Variants in ASB4 observed in about 807,000 individuals in gnomAD.
ASB4 encodes ankyrin repeat and SOCS box protein 4.
A neutral mutation model predicts 38.6 loss-of-function variants in ASB4; 35 were observed. That is an observed-to-expected ratio of 0.91 (90% CI 0.69 to 1.20). The LOEUF is 1.20. ASB4 is among the 50% of genes most tolerant of loss of function. The probability of loss-of-function intolerance (pLI) is 0.00; values close to 1 mark genes in which losing one functional copy is unlikely to be tolerated. For missense variants in ASB4, 557 were observed against 527.2 expected, an observed-to-expected ratio of 1.06 and a Z score of -0.55; for synonymous variants, 195 against 201.3, an observed-to-expected ratio of 0.97 and a Z score of 0.26.
In ASB4 at chr7:95,486,072, A is replaced by G; in HGVS notation, c.101A>G (p.Lys34Arg). Residue 34 changes from lysine (K) to arginine (R), a missense_variant, in exon 1 of 5, where the codon AAG (lysine) becomes AGG (arginine). Coordinates refer to ENST00000325885, the MANE Select transcript of ASB4 (RefSeq NM_016116.3). ...AAGTCCAATGACTTCGGAAAATTGA[A>G]GGCTATTTTGATCCAAAGGCAAATA... Reference protein sequence around the residue: ...ALKSNDFGKLKAILIQRQIDV... With the variant: ...ALKSNDFGKLRAILIQRQIDV... 6.2e-7 allele frequency: 1 copy of G among 1,614,170 alleles called. No homozygotes were observed. The highest frequency in any genetic ancestry group is 1.3e-5 in the African/African-American group (1 of 75,052).
At chr7:95,496,859 CAAAG>C (rs1423660460) in intron 2 of ASB4, among the ~76,000 whole-genome samples, 1 of 151,696 alleles carries the variant, frequency 6.6e-6, no homozygotes, top group Non-Finnish European at 1.5e-5. Context: ...AAACAAAAAA[CAAAG>C]AACAAAAACA....
intron 1 of ASB4, among the ~76,000 whole-genome samples, chr7:95,489,898 G>C (rs1476516): frequency 0.69 from 105,133 of 152,110 alleles, 37,133 homozygotes; most frequent in East Asian, 0.94. Context: ...ATACTGGAAA[G>C]ACGAAGGACT....
chr7:95,526,174 AGTCT>A (rs1376752901), intron 2 of ASB4, among the ~76,000 whole-genome samples: 3 of 152,210 alleles, frequency 2.0e-5, no homozygotes, highest in South Asian at 2.1e-4. Context: ...TTTCGAAGCC[AGTCT>A]GTCTGTTTTC....
At position 95,538,238 on chromosome 7, in the gene ASB4, C is replaced by G. The variant is rs890157822; in HGVS notation, c.*479C>G. On this transcript the variant is annotated 3_prime_UTR_variant, in exon 5 of 5. Transcript: ENST00000325885. ...ATTACTGTCACTAGTTTTGCAAACT[C>G]CTACTCCCCAAACCAAGCTACTCAA... The G allele has an allele frequency of 6.5e-6, 1 of 152,946 alleles. No individual in the cohort carries two copies. Among genetic ancestry groups the G allele is most frequent in the Non-Finnish European group, 1.5e-5 (1 of 68,510 alleles). 9.5% of individuals were successfully genotyped at this position (152,946 alleles called of 1,614,324 possible).
chr7:95,528,830 A>G, intron 3 of ASB4: 2 of 423,084 alleles, frequency 4.7e-6, no homozygotes, highest in Non-Finnish European at 6.3e-6. Context: ...AATTCTTACA[A>G]CAATCATACG....
upstream of ASB4, among the ~76,000 whole-genome samples, chr7:95,474,735 G>A (rs1789959805): frequency 6.6e-6 from 1 of 152,018 alleles, no homozygotes; most frequent in Non-Finnish European, 1.5e-5. Context: ...ATGTTGTCTA[G>A]GCTGGTCATG....
the ASB4 span, among the ~76,000 whole-genome samples, chr7:95,546,463 A>G: frequency 2.6e-5 from 4 of 152,110 alleles, no homozygotes; most frequent in Non-Finnish European, 5.9e-5. Flanking sequence ...CTCATTGAAC[A>G]TATGCTGTGT....
chr7:95,543,332 T>C (rs545151480), downstream of ASB4: 2 of 152,146 alleles, frequency 1.3e-5, no homozygotes, highest in Non-Finnish European at 2.9e-5. Context: ...CGGCAGAAGA[T>C]TGGGGCCCTT....
chr7:95,537,723 G>A lies in ASB4; in HGVS notation c.1245G>A (p.Lys415=). 1 of 1,613,804 alleles carries A rather than the reference G, an allele frequency of 6.2e-7. No homozygotes were observed. Among genetic ancestry groups the A allele is most frequent in the Non-Finnish European group, 8.5e-7 (1 of 1,179,828 alleles). The part of the protein sequence containing the change: ...PLLSLPLSLK[K]YLLLEPEGII... ...TTTCCCTCCCATTGTCATTGAAAAA[G>A]TACTTGCTTTTAGAGCCAGAGGGAA... Residue 415 remains lysine (K), a synonymous_variant, in exon 5 of 5, where the codon AAG becomes AAA. Transcript: ENST00000325885.
intron 2 of ASB4, among the ~76,000 whole-genome samples, chr7:95,524,559 G>C (rs964085114): frequency 6.6e-6 from 1 of 151,970 alleles, no homozygotes; most frequent in South Asian, 2.1e-4. Context: ...GTTATGGGTC[G>C]AATTGTGCGC....
intron 2 of ASB4, among the ~76,000 whole-genome samples, chr7:95,527,585 C>G (rs1015054693): frequency 2.0e-5 from 3 of 152,134 alleles, no homozygotes; most frequent in Non-Finnish European, 4.4e-5. Context: ...TCCTTCTCCT[C>G]CCCTGGGTAC....
chr7:95,474,341 C>A (rs1789954771), upstream of ASB4, among the ~76,000 whole-genome samples: 1 of 152,082 alleles, frequency 6.6e-6, no homozygotes, highest in Non-Finnish European at 1.5e-5. Flanking sequence ...TTGATAATAA[C>A]TTGTGTGCTT....
At chr7:95,475,275 T>G (rs1789966801), upstream of ASB4, among the ~76,000 whole-genome samples, 1 of 152,216 alleles carries the variant, frequency 6.6e-6, no homozygotes, top group South Asian at 2.1e-4. Context: ...ATGACCATCT[T>G]TCCTTACATA....
At chr7:95,535,166 T>C (rs919279285) in intron 3 of ASB4, among the ~76,000 whole-genome samples, 40 of 152,206 alleles carry the variant, frequency 2.6e-4, no homozygotes, top group African/African-American at 9.4e-4. Context: ...ATTAGGTCTT[T>C]ACCACCCTAC....
rs759917140 is a variant in ASB4, at chr7:95,521,018, GA to G, written c.488-6790del. On this transcript the variant is annotated intron_variant, in intron 2 of 4. Transcript: ENST00000325885. ...CTCTTTACTCTGCAAATTTTGTGGG[GA>G]AAAATGTTTGAATTGCATTGAATTT... 1.4e-4 allele frequency among the ~76,000 whole-genome samples: 21 copies of G among 152,024 alleles called. 1 individual carries two copies. The highest frequency in any genetic ancestry group is 9.8e-4 in the Admixed American group (15 of 15,266).
chr7:95,523,781 T>G (rs1790696504), intron 2 of ASB4, among the ~76,000 whole-genome samples: 1 of 152,176 alleles, frequency 6.6e-6, no homozygotes, highest in Admixed American at 6.5e-5. Context: ...TAGGGTAAAC[T>G]TACTCTAAGG....
intron 2 of ASB4, among the ~76,000 whole-genome samples, chr7:95,499,243 G>A (rs1790296112): frequency 6.6e-6 from 1 of 152,156 alleles, no homozygotes; most frequent in African/African-American, 2.4e-5. Flanking sequence ...TGTATTTGAA[G>A]TCAAGGAAAT....
upstream of ASB4, among the ~76,000 whole-genome samples, chr7:95,473,475 C>T (rs966892765): frequency 6.6e-6 from 1 of 152,172 alleles, no homozygotes; most frequent in African/African-American, 2.4e-5. Context: ...GATGAGTTCC[C>T]AGCGGAGCCT....
downstream of ASB4, among the ~76,000 whole-genome samples, chr7:95,544,739 G>A (rs1320658281): frequency 2.0e-5 from 3 of 151,894 alleles, no homozygotes; most frequent in Non-Finnish European, 4.4e-5. Flanking sequence ...CTGTTGCTTA[G>A]GCTGGAGTGC....
Sources: gnomAD v4.1 joint callset for allele counts (sites outside exome capture counted in the v4.1 genomes callset) on GRCh38, gnomAD v4.1.1 for gene constraint, MANE v1.5 for transcripts, NCBI Gene and HGNC (gene_info 2026-07-23, HGNC 2026-07-21) for gene names.